RAI1: variants seen among roughly 807,000 people sequenced by gnomAD.
RAI1 encodes retinoic acid-induced protein 1.
A neutral mutation model predicts 123.8 loss-of-function variants in RAI1; 9 were observed. That is an observed-to-expected ratio of 0.07 (90% confidence interval 0.04 to 0.13). RAI1 has a LOEUF of 0.13. Ranked by LOEUF, RAI1 falls within the 10% of genes least tolerant of loss-of-function variation. The probability of loss-of-function intolerance (pLI) is 1.00; values close to 1 mark genes in which losing one functional copy is unlikely to be tolerated. For synonymous variants in RAI1, 1,231 were observed against 1,127.3 expected, an observed-to-expected ratio of 1.09 and a Z score of -1.84; for missense variants, 2,256 against 2,545.8, an observed-to-expected ratio of 0.89 and a Z score of 2.45.
At chr17:17,802,882 G>A (rs576397616) in intron 3 of RAI1, among the ~76,000 whole-genome samples, 106 of 152,094 alleles carry the variant, frequency 7.0e-4, no homozygotes, top group Middle Eastern at 3.4e-3. Context: ...TCGGGAGTTC[G>A]AGACCAGCCT....
At chr17:17,787,274 G>T (rs1376083016) in intron 2 of RAI1, among the ~76,000 whole-genome samples, 2 of 152,150 alleles carry the variant, frequency 1.3e-5, no homozygotes, top group Admixed American at 6.5e-5. Flanking sequence ...CTGGCCTCGT[G>T]GGGGAAGGAC....
At chr17:17,735,964 G>T (rs1399284916) in intron 2 of RAI1, among the ~76,000 whole-genome samples, 1 of 152,104 alleles carries the variant, frequency 6.6e-6, no homozygotes, top group African/African-American at 2.4e-5. Context: ...GATTGTGTGT[G>T]TGGTGTGTGA....
chr17:17,722,643 A>C (rs1915921975), intron 1 of RAI1, among the ~76,000 whole-genome samples: 1 of 152,152 alleles, frequency 6.6e-6, no homozygotes, highest in Non-Finnish European at 1.5e-5. Context: ...TCCTTGCCGC[A>C]TGCTTCTGTG....
intron 2 of RAI1, among the ~76,000 whole-genome samples, chr17:17,773,912 C>G (rs2031250680): frequency 6.6e-6 from 1 of 151,954 alleles, no homozygotes. Context: ...ATTATAATGT[C>G]TATATTATTT....
At position 17,809,432 on chromosome 17, in the gene RAI1, A is replaced by G. The variant is rs779284444; in HGVS notation, c.5702A>G (p.Lys1901Arg). The G allele has an allele frequency of 1.1e-5, 17 of 1,601,438 alleles. No homozygotes were observed. Among genetic ancestry groups the G allele is most frequent in the Non-Finnish European group, 1.4e-5 (16 of 1,168,822 alleles). ...GAGAACTTTTCTTTGAAATGTCCCA[A>G]ACATAAGGTAGGGGACCACAGTGTT... is the stretch of plus-strand genomic sequence containing the variant. ...IEENFSLKCPKHKRLP is the reference protein window; with the variant it reads ...IEENFSLKCPRHKRLP The change falls in exon 5 of 6, where the codon AAA (lysine) becomes AGA (arginine). Residue 1901 changes from lysine (K) to arginine (R), a missense_variant. By Grantham distance (26) the Lys-to-Arg change is conservative. Around this residue, in one of 7 missense-constraint regions of RAI1, gnomAD observed 243 missense variants for 316.6 expected, o/e 0.77. Transcript: ENST00000353383. This position sits in a 1 kb window ranked among gnomAD's most constrained non-coding sequence, Gnocchi z 4.9.
chr17:17,688,684 C>T (rs1914730578), intron 1 of RAI1, among the ~76,000 whole-genome samples: 1 of 151,990 alleles, frequency 6.6e-6, no homozygotes, highest in Non-Finnish European at 1.5e-5. Flanking sequence ...CAACCTTTGT[C>T]TCCTGAGTTC....
chr17:17,752,551 A>G (rs564085877), intron 2 of RAI1, among the ~76,000 whole-genome samples: 1 of 152,232 alleles, frequency 6.6e-6, no homozygotes, highest in African/African-American at 2.4e-5. Flanking sequence ...ACGCCTCCAG[A>G]CCCGGGCTTC....
chr17:17,716,497 T>C (rs895268641), intron 1 of RAI1, among the ~76,000 whole-genome samples: 2 of 152,250 alleles, frequency 1.3e-5, no homozygotes, highest in African/African-American at 4.8e-5. Flanking sequence ...TGTTTCTGGA[T>C]GTGTGTGCCC....
In RAI1 at chr17:17,682,760, C is replaced by T. The variant is rs544417620; in HGVS notation, c.-149+967C>T. Among the ~76,000 whole-genome samples, 691 of 152,290 alleles carry T rather than the reference C, an allele frequency of 4.5e-3. 9 individuals are homozygous for T. The highest frequency in any genetic ancestry group is 0.016 in the African/African-American group (668 of 41,560). ...GCCCGTTTTCCCGGCTAGCAGTTTTCTTTCTTGGGGCTCTTGGTCGTTATC... is the reference window on the plus strand; with the variant it reads ...GCCCGTTTTCCCGGCTAGCAGTTTTTTTTCTTGGGGCTCTTGGTCGTTATC... On this transcript the variant is annotated intron_variant, in intron 1 of 5. Coordinates refer to ENST00000353383, the MANE Select transcript of RAI1 (RefSeq NM_030665.4).
At chr17:17,688,046 AG>A (rs1823762366) in intron 1 of RAI1, among the ~76,000 whole-genome samples, 1 of 142,216 alleles carries the variant, frequency 7.0e-6, no homozygotes, top group Non-Finnish European at 1.5e-5. Context: ...AAAAAAAAAA[AG>A]TGAGTGTTGC....
intron 2 of RAI1, among the ~76,000 whole-genome samples, chr17:17,741,622 C>T (rs1044441702): frequency 6.6e-5 from 10 of 152,228 alleles, no homozygotes; most frequent in Admixed American, 1.3e-4. Context: ...CTTGTTTCTC[C>T]GGGAGCTCAA....
rs116524559 is a variant in RAI1 at position 17,735,833 on chromosome 17, G to A, written c.-17+11674G>A. Reference sequence around the variant, plus strand: ...TGCCTAGGGCTGTGTATCTCCTGGCGGCAGTTCTGAGGTGGCCCTATTTTG... The same window carrying A: ...TGCCTAGGGCTGTGTATCTCCTGGCAGCAGTTCTGAGGTGGCCCTATTTTG... On this transcript the variant is annotated intron_variant, in intron 2 of 5. Transcript: ENST00000353383. Among the ~76,000 whole-genome samples, 438 of 152,312 alleles carry A rather than the reference G, an allele frequency of 2.9e-3. 2 individuals are homozygous for A. Among genetic ancestry groups the A allele is most frequent in the African/African-American group, 0.01 (416 of 41,564 alleles).
At chr17:17,731,758 C>G (rs933214533) in intron 2 of RAI1, among the ~76,000 whole-genome samples, 3 of 152,136 alleles carry the variant, frequency 2.0e-5, no homozygotes, top group Admixed American at 2.0e-4. Context: ...AAGCAGGGAC[C>G]TGACCATCTC....
At chr17:17,757,401 C>T (rs2030481012) in intron 2 of RAI1, among the ~76,000 whole-genome samples, 1 of 152,186 alleles carries the variant, frequency 6.6e-6, no homozygotes, top group East Asian at 1.9e-4. Context: ...AGGGCAGCAA[C>T]CCTTCTACAG....
chr17:17,797,826 G>A lies in RAI1; in HGVS notation c.4878G>A (p.Lys1626=). The change falls in exon 3 of 6, where the codon AAG becomes AAA. Residue 1626 remains lysine, a synonymous_variant. Coordinates refer to ENST00000353383, the MANE Select transcript of RAI1 (RefSeq NM_030665.4). ...GAGATGCGCCCAAGCCCCACAGGAA[G>A]CCTTCCTCCTCTGCCTCCTCTTCCT... ...SPGDAPKPHR[K]PSSSASSSSS... 1.2e-6 allele frequency: 2 copies of A among 1,614,006 alleles called. No individual in the cohort carries two copies. Among genetic ancestry groups the A allele is most frequent in the East Asian group, 2.2e-5 (1 of 44,854 alleles).
intron 2 of RAI1, among the ~76,000 whole-genome samples, chr17:17,745,430 T>C (rs1313751267): frequency 6.6e-6 from 1 of 151,186 alleles, no homozygotes; most frequent in African/African-American, 2.4e-5. Flanking sequence ...TGTGTGTGTG[T>C]TTGTTTTTGT....
intron 2 of RAI1, among the ~76,000 whole-genome samples, chr17:17,770,603 G>A (rs2031116152): frequency 6.9e-6 from 1 of 144,286 alleles, no homozygotes; most frequent in African/African-American, 2.5e-5. Flanking sequence ...AGGGGCCAGG[G>A]CCTGCCAGCG....
At chr17:17,742,346 T>C (rs148350252) in intron 2 of RAI1, among the ~76,000 whole-genome samples, 3 of 152,362 alleles carry the variant, frequency 2.0e-5, no homozygotes, top group African/African-American at 7.2e-5. Context: ...ATTTGTGGAA[T>C]GAATGAAGGA....
chr17:17,747,101 T>G (rs1373731830), intron 2 of RAI1, among the ~76,000 whole-genome samples: 2 of 152,190 alleles, frequency 1.3e-5, no homozygotes, highest in Non-Finnish European at 2.9e-5. Flanking sequence ...AGCTTTGAGT[T>G]GGGGAGAGAA....
Sources: allele counts gnomAD v4.1 joint callset (sites outside exome capture counted in the v4.1 genomes callset), GRCh38; gene constraint gnomAD v4.1.1; regional missense constraint gnomAD v4.1.1; non-coding constraint Gnocchi (gnomAD v3.1); transcripts MANE v1.5; gene names NCBI Gene and HGNC (gene_info 2026-07-23, HGNC 2026-07-21).